USP47: variants seen among roughly 807,000 people sequenced by gnomAD.
The protein encoded by USP47 is ubiquitin specific peptidase 47, also known as ubiquitin carboxyl-terminal hydrolase 47.
In USP47, 35 loss-of-function variants were observed where a neutral mutation model predicts 165.1. The ratio of observed to expected loss-of-function variants is 0.21; its 90% CI spans 0.16 to 0.28. The LOEUF (loss-of-function observed/expected upper bound fraction) is 0.28, where lower values mean the gene tolerates loss of function less well. USP47 is among the 10% of genes least tolerant of loss of function. USP47 has a pLI of 1.00. For synonymous variants in USP47, 531 were observed against 544.5 expected (o/e 0.98, Z 0.35); for missense variants, 1,277 against 1,607.4 (o/e 0.79, Z 3.52).
chr11:11,843,404 C>A (rs1297662487), intron 1 of USP47, among the ~76,000 whole-genome samples: 1 of 152,160 alleles, frequency 6.6e-6, no homozygotes, highest in African/African-American at 2.4e-5. Context: ...TCAAGCGTCA[C>A]CAACTCTGTG....
intron 4 of USP47, among the ~76,000 whole-genome samples, chr11:11,892,842 A>G (rs994461879): frequency 4.1e-5 from 6 of 147,282 alleles, no homozygotes; most frequent in East Asian, 4.0e-4. Context: ...AAAGAAAAAG[A>G]AAAAAAAAAT....
intron 17 of USP47, 119 bp downstream of exon 17, chr11:11,936,629 ATAATT>A: frequency 1.2e-6 from 1 of 840,506 alleles, no homozygotes; most frequent in Non-Finnish European, 1.7e-6. Flanking sequence ...AAAATGTAGA[ATAATT>A]TTGACAGGTT....
At chr11:11,954,084 T>C (rs1388561225) in intron 25 of USP47, among the ~76,000 whole-genome samples, 1 of 152,030 alleles carries the variant, frequency 6.6e-6, no homozygotes, top group Non-Finnish European at 1.5e-5. Flanking sequence ...ACCCTGTGTC[T>C]ACTAAAAATA....
Position 11,949,912 on chromosome 11 carries a change from T to C in USP47, c.3372T>C (p.Ala1124=), listed in dbSNP as rs1157102643. ...AGCCATGCAAGTTTCTGCTAGATGCTGTGTTTGCTAAAGGAATGACTGTAC... is the reference window on the plus strand; with the variant it reads ...AGCCATGCAAGTTTCTGCTAGATGCCGTGTTTGCTAAAGGAATGACTGTAC... ...EQEPCKFLLD[A]VFAKGMTVRQ... is the part of the protein sequence containing the mutation. The change falls in exon 23 of 28, where the codon GCT becomes GCC. Residue 1124 remains alanine, a synonymous_variant. Transcript: ENST00000527733. 6.2e-7 allele frequency: 1 copy of C among 1,612,326 alleles called. No homozygotes were observed. Among genetic ancestry groups the C allele is most frequent in the Middle Eastern group, 1.7e-4 (1 of 6,056 alleles).
rs763768897 is a variant in USP47, at chr11:11,940,481, A to C, written c.2246A>C (p.Asn749Thr). ...TMRIVLERCY[N>T]DLRLLSVSSK... ...AGAATAGTGCTGGAACGCTGCTACA[A>C]TGATTTGCGTCTTCTCAGTGTCTCC... Residue 749 changes from asparagine to threonine, a missense_variant, in exon 19 of 28, where the codon AAT (asparagine) becomes ACT (threonine). This residue lies in a region of USP47 where 909 missense variants were observed against 1,068.1 expected (regional missense o/e 0.85). Transcript: ENST00000527733. 1.2e-6 allele frequency: 2 copies of C among 1,612,050 alleles called. No individual in the cohort carries two copies. Among genetic ancestry groups the C allele is most frequent in the Non-Finnish European group, 1.7e-6 (2 of 1,178,632 alleles).
At chr11:11,854,814 C>T (rs749914047) in intron 1 of USP47, among the ~76,000 whole-genome samples, 1 of 147,042 alleles carries the variant, frequency 6.8e-6, no homozygotes, top group African/African-American at 2.4e-5. Context: ...AACACATAGG[C>T]CGGGTGTGGT....
chr11:11,869,055 T>C lies in USP47; in HGVS notation c.40-11122T>C, dbSNP rs181724853. Among the ~76,000 whole-genome samples the C allele has an allele frequency of 2.6e-5, 4 of 152,290 alleles. No homozygotes were observed. In the East Asian group the frequency reaches 7.7e-4, roughly 29 times the overall value. On this transcript the variant is annotated intron_variant, in intron 1 of 27. Coordinates refer to ENST00000527733, the MANE Select transcript of USP47 (RefSeq NM_001282659.2). Reference sequence around the variant, plus strand: ...GTTGATTATGTGGTTTGAAATATTTTCTCCCAGTCTGTAACTTTTAGTCCT... The same window carrying C: ...GTTGATTATGTGGTTTGAAATATTTCCTCCCAGTCTGTAACTTTTAGTCCT...
At chr11:11,925,355 A>G (rs1271521276) in intron 11 of USP47, among the ~76,000 whole-genome samples, 1 of 151,124 alleles carries the variant, frequency 6.6e-6, no homozygotes. Flanking sequence ...TGATCCACCC[A>G]CCTCGGCCTC....
chr11:11,948,011 T>C lies in USP47; in HGVS notation c.3158T>C (p.Val1053Ala). ...TTCAAACAACATTTAGAGCCCTTTG[T>C]TGGAGTTTTGTCCTCTCACTTCAAG... ...AAFKQHLEPFVGVLSSHFKVF... is the reference protein window; with the variant it reads ...AAFKQHLEPFAGVLSSHFKVF... The change falls in exon 21 of 28, where the codon GTT (valine) becomes GCT (alanine). Residue 1053 changes from valine to alanine, a missense_variant. By Grantham distance (64) the Val-to-Ala change is moderately conservative (BLOSUM62 0). Transcript: ENST00000527733. 1 of 1,613,864 alleles carries C rather than the reference T, an allele frequency of 6.2e-7. No homozygotes were observed.
intron 16 of USP47, 34 bp from the exon 17 acceptor site, chr11:11,936,269 T>TA: frequency 8.2e-7 from 1 of 1,226,282 alleles, no homozygotes; most frequent in Non-Finnish European, 1.1e-6. Flanking sequence ...TATGTATATA[T>TA]ATTTTTTCTT....
chr11:11,948,388 A>T, intron 21 of USP47, 90 bp from the exon 22 acceptor site: 1 of 1,136,836 alleles, frequency 8.8e-7, no homozygotes, highest in Non-Finnish European at 1.3e-6. Context: ...CCTATAATCT[A>T]GAGTATTTTG....
intron 8 of USP47, among the ~76,000 whole-genome samples, chr11:11,912,713 A>C (rs1030547123): frequency 6.6e-6 from 1 of 152,146 alleles, no homozygotes; most frequent in South Asian, 2.1e-4. Context: ...AAACCAAGAC[A>C]GTTCTTAAAA....
chr11:11,947,445 G>T (rs1001725524), intron 20 of USP47, among the ~76,000 whole-genome samples: 3 of 152,096 alleles, frequency 2.0e-5, no homozygotes, highest in African/African-American at 7.2e-5. Context: ...AGGCAATCAC[G>T]CTGTATTTGG....
chr11:11,865,261 C>T (rs754234624), intron 1 of USP47, among the ~76,000 whole-genome samples: 4 of 152,058 alleles, frequency 2.6e-5, no homozygotes, highest in Non-Finnish European at 5.9e-5. Flanking sequence ...CCTCTTTCTC[C>T]TTTTCTTCCC....
At chr11:11,923,017 C>T in intron 11 of USP47, 126 bp downstream of exon 11, 1 of 430,170 alleles carries the variant, frequency 2.3e-6, no homozygotes, top group Non-Finnish European at 3.6e-6. Flanking sequence ...AAAGTTAAGA[C>T]TTCTCAAATA....
At chr11:11,892,372 TTAA>T (rs1851575410) in intron 4 of USP47, among the ~76,000 whole-genome samples, 1 of 121,640 alleles carries the variant, frequency 8.2e-6, no homozygotes, top group African/African-American at 3.8e-5. Flanking sequence ...TCTTTTCTTT[TTAA>T]TTTTCTTTTT....
At chr11:11,892,133 T>A in intron 4 of USP47, 27 bp downstream of exon 4, 1 of 1,604,478 alleles carries the variant, frequency 6.2e-7, no homozygotes, top group Non-Finnish European at 8.5e-7. Flanking sequence ...TTTCATAAAA[T>A]CATAGGGCAT....
At position 11,920,396 on chromosome 11, in the gene USP47, G is replaced by A. The variant is rs777625787; in HGVS notation, c.1120G>A (p.Asp374Asn). 6.2e-7 allele frequency: 1 copy of A among 1,610,898 alleles called. No individual in the cohort carries two copies. The highest frequency in any genetic ancestry group is 1.1e-5 in the South Asian group (1 of 90,716). The part of the protein sequence containing the change: ...YLLTLQLKRF[D>N]FDYTTMHRIK... ...GCTGACCTTACAGCTGAAAAGATTC[G>A]ATTTTGATTATACAACCATGCATAG... The change falls in exon 10 of 28, where the codon GAT (aspartate) becomes AAT (asparagine). Residue 374 changes from aspartate to asparagine, a missense_variant. Physicochemically the swap from Asp to Asn is conservative, Grantham distance 23. Transcript: ENST00000527733.
chr11:11,937,680 T>G (rs888668622), intron 17 of USP47, among the ~76,000 whole-genome samples: 3 of 151,772 alleles, frequency 2.0e-5, no homozygotes, highest in Non-Finnish European at 4.4e-5. Context: ...GTGTGGATTG[T>G]AAGACTTATA....
Sources: gnomAD v4.1 joint callset for allele counts (sites outside exome capture counted in the v4.1 genomes callset) on GRCh38, gnomAD v4.1.1 for gene constraint, gnomAD v4.1.1 regional missense constraint, MANE v1.5 for transcripts, NCBI Gene and HGNC (gene_info 2026-07-23, HGNC 2026-07-21) for gene names.